LHFPL3: variants seen among roughly 807,000 people sequenced by gnomAD.
LHFPL3 encodes the protein LHFPL tetraspan subfamily member 3 protein.
In LHFPL3, 5 loss-of-function variants were observed where a neutral mutation model predicts 19.3. The observed-to-expected ratio is 0.26, with a 90% CI of 0.14 to 0.54. The LOEUF (loss-of-function observed/expected upper bound fraction) is 0.54, where lower values mean the gene tolerates loss of function less well. LHFPL3 is among the 20% of genes least tolerant of loss of function. The probability of loss-of-function intolerance (pLI) is 0.94; values close to 1 mark genes in which losing one functional copy is unlikely to be tolerated. For synonymous variants in LHFPL3, 133 were observed against 126.2 expected (o/e 1.05, Z -0.36); for missense variants, 249 against 307.4 (o/e 0.81, Z 1.42).
At chr7:104,620,758 G>A (rs997635675) in intron 1 of LHFPL3, among the ~76,000 whole-genome samples, 1 of 152,122 alleles carries the variant, frequency 6.6e-6, no homozygotes, top group East Asian at 1.9e-4. Flanking sequence ...CCTGTGTGTC[G>A]GAGTACAGTT....
intron 2 of LHFPL3, chr7:104,845,492 G>C: frequency 6.6e-7 from 1 of 1,509,032 alleles, no homozygotes; most frequent in Non-Finnish European, 8.8e-7. Flanking sequence ...TTCTGTTCCC[G>C]CATGTTTTCT....
intron 1 of LHFPL3, among the ~76,000 whole-genome samples, chr7:104,559,953 G>C (rs368439736): frequency 6.7e-5 from 10 of 150,050 alleles, no homozygotes; most frequent in Non-Finnish European, 1.2e-4. Flanking sequence ...GGTTTTTGTC[G>C]TTGGTTCTGT....
intron 1 of LHFPL3, among the ~76,000 whole-genome samples, chr7:104,706,437 A>G (rs536676972): frequency 6.6e-6 from 1 of 152,242 alleles, no homozygotes; most frequent in Non-Finnish European, 1.5e-5. Context: ...TTGAAGCTGG[A>G]CAAGTCCAGC....
chr7:104,632,733 A>G (rs530249612), intron 1 of LHFPL3, among the ~76,000 whole-genome samples: 1 of 152,280 alleles, frequency 6.6e-6, no homozygotes, highest in East Asian at 1.9e-4. Flanking sequence ...TGCAGCTTCA[A>G]CTTCCCAAGC....
chr7:104,578,562 A>T (rs941375433), intron 1 of LHFPL3, among the ~76,000 whole-genome samples: 1 of 152,218 alleles, frequency 6.6e-6, no homozygotes, highest in Non-Finnish European at 1.5e-5. Context: ...ATATCATGGC[A>T]TATCAAATAT....
At chr7:104,656,553 G>A (rs559580715) in intron 1 of LHFPL3, among the ~76,000 whole-genome samples, 87 of 152,180 alleles carry the variant, frequency 5.7e-4, no homozygotes, top group Non-Finnish European at 1.1e-3. Context: ...GGGATAGATC[G>A]TGCATGGGCA....
chr7:104,455,951 AGT>A (rs1382708427), intron 1 of LHFPL3, among the ~76,000 whole-genome samples: 2 of 116,610 alleles, frequency 1.7e-5, no homozygotes, highest in Admixed American at 1.7e-4. Context: ...ACTGAAGATG[AGT>A]TTTTAAAATT....
chr7:104,536,745 C>G (rs1453852510), intron 1 of LHFPL3, among the ~76,000 whole-genome samples: 2 of 152,154 alleles, frequency 1.3e-5, no homozygotes, highest in Non-Finnish European at 2.9e-5. Context: ...CCCTCTAGAG[C>G]CTTTTTGTTT....
rs57372858 is a variant in LHFPL3 at position 104,435,038 on chromosome 7, C to T, written c.445+105814C>T. The stretch of plus-strand genomic sequence containing the variant: ...CATCTTTTTTGTTAAAGTTGTGACC[C>T]GCCCCCCTTATTGGGTGTCACAATG... On this transcript the variant is annotated intron_variant, in intron 1 of 2. Coordinates refer to ENST00000424859, the MANE Select transcript of LHFPL3 (RefSeq NM_199000.3). 0.01 allele frequency among the ~76,000 whole-genome samples: 1,580 copies of T among 151,864 alleles called. 62 individuals are homozygous for T. The East Asian group carries it at 0.15, about 14-fold the overall frequency.
chr7:104,569,889 C>T (rs995300997), intron 1 of LHFPL3, among the ~76,000 whole-genome samples: 13 of 152,192 alleles, frequency 8.5e-5, no homozygotes, highest in African/African-American at 2.9e-4. Context: ...TGCTCAACCA[C>T]TATGCCATAC....
At chr7:104,560,202 G>C (rs1207688605) in intron 1 of LHFPL3, among the ~76,000 whole-genome samples, 1 of 131,794 alleles carries the variant, frequency 7.6e-6, no homozygotes, top group African/African-American at 3.4e-5. Context: ...CATAAAATGA[G>C]TTAGGGAGGA....
intron 1 of LHFPL3, among the ~76,000 whole-genome samples, chr7:104,361,907 G>A (rs2116411241): frequency 6.6e-6 from 1 of 152,192 alleles, no homozygotes; most frequent in East Asian, 1.9e-4. Context: ...GATGCTGCAA[G>A]AATAACTGTG....
intron 1 of LHFPL3, among the ~76,000 whole-genome samples, chr7:104,515,317 T>G (rs972303106): frequency 6.6e-6 from 1 of 152,216 alleles, no homozygotes; most frequent in Non-Finnish European, 1.5e-5. Flanking sequence ...TTTAATATTC[T>G]GCACTAAAAA....
intron 2 of LHFPL3, among the ~76,000 whole-genome samples, chr7:104,836,403 T>C (rs1791096325): frequency 6.6e-6 from 1 of 152,210 alleles, no homozygotes. Context: ...TCTTCTATTG[T>C]CACTGGGCGT....
At chr7:104,624,483 T>C (rs1448849748) in intron 1 of LHFPL3, among the ~76,000 whole-genome samples, 2 of 152,138 alleles carry the variant, frequency 1.3e-5, no homozygotes, top group Non-Finnish European at 2.9e-5. Context: ...ACTCATAGGA[T>C]ATGTGGAGGT....
intron 1 of LHFPL3, among the ~76,000 whole-genome samples, chr7:104,396,569 A>T (rs957538682): frequency 6.6e-6 from 1 of 151,250 alleles, no homozygotes; most frequent in African/African-American, 2.4e-5. Flanking sequence ...AGTCAGAGGC[A>T]TCCTCTTTTC....
intron 1 of LHFPL3, among the ~76,000 whole-genome samples, chr7:104,529,467 A>G (rs1794253112): frequency 6.6e-6 from 1 of 152,126 alleles, no homozygotes; most frequent in South Asian, 2.1e-4. Context: ...TCTTCTCTTC[A>G]GAAAAACTCA....
chr7:104,491,316 G>A (rs1017581303), intron 1 of LHFPL3, among the ~76,000 whole-genome samples: 47 of 152,106 alleles, frequency 3.1e-4, no homozygotes, highest in African/African-American at 8.9e-4. Flanking sequence ...GAATTTAAAT[G>A]TGGGTATAGG....
intron 2 of LHFPL3, among the ~76,000 whole-genome samples, chr7:104,774,332 A>G (rs1794607897): frequency 6.6e-6 from 1 of 152,368 alleles, no homozygotes; most frequent in Middle Eastern, 3.4e-3. Context: ...TCTTCTACAT[A>G]CATTATATAA....
Sources: allele counts gnomAD v4.1 joint callset (sites outside exome capture counted in the v4.1 genomes callset), GRCh38; gene constraint gnomAD v4.1.1; transcripts MANE v1.5; gene names NCBI Gene and HGNC (gene_info 2026-07-23, HGNC 2026-07-21).